The following PRIM2 variants were observed in gnomAD, a reference collection of about 807,000 sequenced individuals.
PRIM2 encodes DNA primase subunit 2.
PRIM2 carries 39 observed loss-of-function variants against 67.3 expected under a neutral mutation model. The observed-to-expected ratio is 0.58, with a 90% CI of 0.45 to 0.76. The LOEUF (loss-of-function observed/expected upper bound fraction) is 0.76. Among genes scored for constraint, PRIM2 ranks in the 30% least tolerant of loss-of-function variants. The probability of loss-of-function intolerance (pLI) is 0.00; values close to 1 mark genes in which losing one functional copy is unlikely to be tolerated. For synonymous variants in PRIM2, 143 were observed against 198.7 expected (o/e 0.72, Z 2.36); for missense variants, 398 against 598.7 (o/e 0.66, Z 3.50).
chr6:57,348,398 G>A (rs1768747903), intron 5 of PRIM2, among the ~76,000 whole-genome samples: 1 of 152,112 alleles, frequency 6.6e-6, no homozygotes, highest in African/African-American at 2.4e-5. Flanking sequence ...AGTAGATTTT[G>A]TACTTGAAGT....
At chr6:57,527,215 A>G (rs1361790547) in intron 8 of PRIM2, among the ~76,000 whole-genome samples, 2 of 152,234 alleles carry the variant, frequency 1.3e-5, no homozygotes, top group Admixed American at 6.5e-5. Context: ...CATTGTAAAG[A>G]TGAGTGAAGA....
chr6:57,414,473 A>G (rs189830863), intron 7 of PRIM2, among the ~76,000 whole-genome samples: 1 of 152,296 alleles, frequency 6.6e-6, no homozygotes, highest in East Asian at 1.9e-4. Context: ...GAAAGGATTT[A>G]GTGATGAGAG....
rs1334057224 is a variant in PRIM2 at position 57,465,779 on chromosome 6, T to G, written c.694-41608T>G. On this transcript the variant is annotated intron_variant, in intron 7 of 13. Transcript: ENST00000615550. ...AGAGTCCGGCATACTTATTGTAATG[T>G]ACATTAGTGCTTTCTATCATTTTTT... Among the ~76,000 whole-genome samples the G allele has an allele frequency of 1.3e-3, 191 of 152,302 alleles. 5 individuals carry two copies. The East Asian group carries it at 0.016, about 13-fold the overall frequency.
At chr6:57,403,820 A>C (rs1331656144) in intron 7 of PRIM2, among the ~76,000 whole-genome samples, 1 of 151,974 alleles carries the variant, frequency 6.6e-6, no homozygotes. Context: ...GTAGACTATA[A>C]AAAACTGTAG....
intron 7 of PRIM2, among the ~76,000 whole-genome samples, chr6:57,481,157 A>G (rs1259670327): frequency 2.0e-5 from 3 of 152,180 alleles, no homozygotes; most frequent in Non-Finnish European, 4.4e-5. Context: ...ATATAGTTCT[A>G]TGCTGTCTTA....
At chr6:57,474,626 G>A (rs1212304005) in intron 7 of PRIM2, among the ~76,000 whole-genome samples, 1 of 152,158 alleles carries the variant, frequency 6.6e-6, no homozygotes, top group African/African-American at 2.4e-5. Flanking sequence ...GTTAAGCAGG[G>A]AGAATACTAC....
chr6:57,291,463 T>G, the PRIM2 span, among the ~76,000 whole-genome samples: 1 of 151,942 alleles, frequency 6.6e-6, no homozygotes, highest in Non-Finnish European at 1.5e-5. Context: ...TTCCAAACAA[T>G]AGAAAAAGAG....
the PRIM2 span, among the ~76,000 whole-genome samples, chr6:57,300,622 A>T: frequency 2.0e-5 from 3 of 152,132 alleles, no homozygotes; most frequent in Non-Finnish European, 4.4e-5. Context: ...GTTGACTCAA[A>T]TGACCACATT....
At chr6:57,525,755 C>T (rs1774737836) in intron 8 of PRIM2, among the ~76,000 whole-genome samples, 1 of 152,220 alleles carries the variant, frequency 6.6e-6, no homozygotes, top group Non-Finnish European at 1.5e-5. Context: ...GAAGAGACCT[C>T]CTCTCTGCGG....
rs1290592989 is a variant in PRIM2 at position 57,644,824 on chromosome 6, C to A, written c.1300-1104C>A. Among the ~76,000 whole-genome samples, 10 of 152,248 alleles carry A rather than the reference C, an allele frequency of 6.6e-5. No individual in the cohort carries two copies. The South Asian group carries it at 8.3e-4, about 13-fold the overall frequency. ...TCAAGCAAAATGATATTTTTGTTGT[C>A]AACTCCAACTGCAGAAGGCGAGAAG... On this transcript the variant is annotated intron_variant, in intron 13 of 13. Transcript: ENST00000615550.
intron 7 of PRIM2, among the ~76,000 whole-genome samples, chr6:57,466,595 G>A (rs1220141289): frequency 1.3e-5 from 2 of 152,218 alleles, no homozygotes; most frequent in African/African-American, 4.8e-5. Context: ...TTTTTCATAT[G>A]TATGTTGGCT....
chr6:57,626,716 C>T (rs1338953203), intron 12 of PRIM2, among the ~76,000 whole-genome samples: 11 of 151,838 alleles, frequency 7.2e-5, no homozygotes, highest in Non-Finnish European at 1.3e-4. Flanking sequence ...CCTCGACCTC[C>T]CCGACTCAAG....
At chr6:57,373,603 C>A (rs1324800258) in intron 5 of PRIM2, among the ~76,000 whole-genome samples, 3 of 152,044 alleles carry the variant, frequency 2.0e-5, no homozygotes, top group Non-Finnish European at 2.9e-5. Flanking sequence ...GTATTTAATC[C>A]ATCTTGAGTT....
At chr6:57,394,237 T>C (rs1393402239) in intron 7 of PRIM2, among the ~76,000 whole-genome samples, 1 of 152,214 alleles carries the variant, frequency 6.6e-6, no homozygotes, top group Non-Finnish European at 1.5e-5. Context: ...ATTGAATTTG[T>C]AGATTGCTTT....
At chr6:57,462,993 A>G (rs1170403219) in intron 7 of PRIM2, among the ~76,000 whole-genome samples, 1 of 152,186 alleles carries the variant, frequency 6.6e-6, no homozygotes, top group African/African-American at 2.4e-5. Context: ...AGTATTGTTT[A>G]TATCAGAGCA....
chr6:57,521,599 A>G (rs1283074372), intron 8 of PRIM2, among the ~76,000 whole-genome samples: 1 of 152,036 alleles, frequency 6.6e-6, no homozygotes, highest in African/African-American at 2.4e-5. Context: ...GTATTAGCTT[A>G]CTTTTTAATG....
chr6:57,497,977 A>C (rs1463536212), intron 7 of PRIM2, among the ~76,000 whole-genome samples: 8 of 152,226 alleles, frequency 5.3e-5, no homozygotes, highest in African/African-American at 1.7e-4. Context: ...TGCTATTATA[A>C]GAAAATGTAG....
At chr6:57,438,656 A>G (rs1305705728) in intron 7 of PRIM2, among the ~76,000 whole-genome samples, 2 of 152,238 alleles carry the variant, frequency 1.3e-5, no homozygotes, top group Non-Finnish European at 2.9e-5. Flanking sequence ...CTATTTAAAG[A>G]CAATGTTCAT....
intron 7 of PRIM2, among the ~76,000 whole-genome samples, chr6:57,493,107 A>G (rs1324408099): frequency 6.6e-6 from 1 of 152,210 alleles, no homozygotes; most frequent in African/African-American, 2.4e-5. Context: ...GGCAGTTCAG[A>G]CTTAACATGG....
Sources: gnomAD v4.1 joint callset for allele counts (sites outside exome capture counted in the v4.1 genomes callset) on GRCh38, gnomAD v4.1.1 for gene constraint, MANE v1.5 for transcripts, NCBI Gene and HGNC (gene_info 2026-07-23, HGNC 2026-07-21) for gene names.